VIPR1: variants seen among roughly 807,000 people sequenced by gnomAD.
VIPR1 encodes vasoactive intestinal peptide receptor 1.
Under a neutral mutation model 58.8 loss-of-function variants are expected in VIPR1, and 59 were observed. That is an observed-to-expected ratio of 1.00 (90% CI 0.81 to 1.25). VIPR1 has a LOEUF of 1.25. Among genes scored for constraint, VIPR1 ranks in the 50% most tolerant of loss-of-function variants. The pLI is 0.00. For missense variants in VIPR1, 626 were observed against 602.7 expected (o/e 1.04, Z -0.40); for synonymous variants, 251 against 242.1 (o/e 1.04, Z -0.34).
At chr3:42,526,640 G>A (rs576423948) in intron 4 of VIPR1, among the ~76,000 whole-genome samples, 30 of 152,242 alleles carry the variant, frequency 2.0e-4, no homozygotes, top group Middle Eastern at 3.4e-3. Context: ...CACCCCCGAG[G>A]ACAGCAATTT....
chr3:42,531,820 A>T lies in VIPR1; in HGVS notation c.869A>T (p.Asn290Ile). 1 of 1,613,142 alleles carries T rather than the reference A, an allele frequency of 6.2e-7. No individual in the cohort carries two copies. The highest frequency in any genetic ancestry group is 1.1e-5 in the South Asian group (1 of 91,028). Reference sequence around the variant, plus strand: ...CTGCTCAGGTGCTGGGACACCATCAACTCCTCACTGTGGTGGATCATAAAG... The same window carrying T: ...CTGCTCAGGTGCTGGGACACCATCATCTCCTCACTGTGGTGGATCATAAAG... ...FEDYGCWDTI[N>I]SSLWWIIKGP... is the part of the protein sequence containing the mutation. The change falls in exon 9 of 13, where the codon AAC (asparagine) becomes ATC (isoleucine). Residue 290 changes from asparagine (N) to isoleucine (I), a missense_variant. Asn to Ile is a moderately radical substitution (Grantham distance 149). Coordinates refer to ENST00000325123, the MANE Select transcript of VIPR1 (RefSeq NM_004624.4).
At chr3:42,501,994 C>T (rs1699885341), upstream of VIPR1, 1 of 152,360 alleles carries the variant, frequency 6.6e-6, no homozygotes, top group South Asian at 2.1e-4. The surrounding 1 kb of genome is among the most constrained non-coding windows in gnomAD (Gnocchi z 4.8). Flanking sequence ...CACCAGGTCA[C>T]CCGGGAGCAG....
intron 1 of VIPR1, among the ~76,000 whole-genome samples, chr3:42,490,127 G>C (rs917567120): frequency 6.6e-6 from 1 of 152,122 alleles, no homozygotes; most frequent in Non-Finnish European, 1.5e-5. Context: ...CAGGAGTTCA[G>C]CTTCCTCCTT....
rs199528344 is a variant in VIPR1, at chr3:42,531,817, T to A, written c.866T>A (p.Ile289Asn). The A allele has an allele frequency of 8.7e-6, 14 of 1,613,986 alleles. No homozygotes were observed. Among genetic ancestry groups the A allele is most frequent in the Non-Finnish European group, 1.2e-5 (14 of 1,180,018 alleles). ...GGTCTGCTCAGGTGCTGGGACACCA[T>A]CAACTCCTCACTGTGGTGGATCATA... ...HFEDYGCWDT[I>N]NSSLWWIIKG... Residue 289 changes from isoleucine (I) to asparagine (N), a missense_variant, in exon 9 of 13, where the codon ATC becomes AAC. Coordinates refer to ENST00000325123, the MANE Select transcript of VIPR1 (RefSeq NM_004624.4).
intron 6 of VIPR1, chr3:42,530,539 G>T (rs1701482415): frequency 4.0e-6 from 2 of 497,750 alleles, no homozygotes; most frequent in Non-Finnish European, 7.2e-6. Flanking sequence ...AGATGGGAAG[G>T]TGAATAGATG....
intron 8 of VIPR1, 121 bp from the exon 9 acceptor site, chr3:42,531,682 A>C (rs1427061963): frequency 3.2e-6 from 5 of 1,544,614 alleles, no homozygotes; most frequent in Non-Finnish European, 4.5e-6. Flanking sequence ...GGAGCAACAG[A>C]CTCTGGGCCC....
intron 11 of VIPR1, 69 bp from the exon 12 acceptor site, chr3:42,535,274 C>A: frequency 6.2e-7 from 1 of 1,601,616 alleles, no homozygotes; most frequent in Non-Finnish European, 8.6e-7. Context: ...GGGGCTGGAG[C>A]CAGGGGTGGG....
intron 1 of VIPR1, among the ~76,000 whole-genome samples, chr3:42,504,781 G>A (rs1195737815): frequency 6.6e-6 from 1 of 151,392 alleles, no homozygotes; most frequent in Non-Finnish European, 1.5e-5. Flanking sequence ...CGGGGTGACA[G>A]GAGTTATCAG....
At chr3:42,512,946 C>T (rs187542239) in intron 1 of VIPR1, 6 of 985,524 alleles carry the variant, frequency 6.1e-6, no homozygotes. Flanking sequence ...ATGTCTTCCA[C>T]AAGGTCAGTG....
chr3:42,510,169 A>T (rs188788536), intron 1 of VIPR1, among the ~76,000 whole-genome samples: 1 of 152,196 alleles, frequency 6.6e-6, no homozygotes. Context: ...CCTTGCATGT[A>T]TTAGGCATTT....
At chr3:42,494,987 T>C (rs1358946827) in intron 1 of VIPR1, among the ~76,000 whole-genome samples, 1 of 152,226 alleles carries the variant, frequency 6.6e-6, no homozygotes, top group African/African-American at 2.4e-5. Context: ...TCTGGTGTTT[T>C]AAAATTTATT....
chr3:42,531,847 GC>G lies in VIPR1; in HGVS notation c.900del (p.Ile301SerfsTer7), dbSNP rs747297521. 6.2e-7 allele frequency: 1 copy of G among 1,614,106 alleles called. No individual in the cohort carries two copies. The highest frequency in any genetic ancestry group is 1.1e-5 in the South Asian group (1 of 91,066). On this transcript the variant is annotated frameshift_variant, in exon 9 of 13. Coordinates refer to ENST00000325123, the MANE Select transcript of VIPR1 (RefSeq NM_004624.4). LOFTEE classifies it high-confidence loss of function. ...TCCTCACTGTGGTGGATCATAAAGG[GC>G]CCCATCCTCACCTCCATCTTGGTAA... Reference protein sequence around the residue: ...INSSLWWIIKGPILTSILVNF... With the variant: ...INSSLWWIIKXPILTSILVNF...
At chr3:42,517,263 C>T (rs1159959648) in intron 2 of VIPR1, among the ~76,000 whole-genome samples, 4 of 152,252 alleles carry the variant, frequency 2.6e-5, no homozygotes, top group African/African-American at 9.6e-5. Context: ...ATCCCTCCAC[C>T]TCCTCTTCCC....
At chr3:42,510,588 T>C (rs1700314203) in intron 1 of VIPR1, among the ~76,000 whole-genome samples, 1 of 152,168 alleles carries the variant, frequency 6.6e-6, no homozygotes, top group Admixed American at 6.5e-5. Context: ...GAAGGATTGA[T>C]GCAGTCCAGA....
At chr3:42,531,215 C>G (rs747463386) in intron 7 of VIPR1, 45 of 611,002 alleles carry the variant, frequency 7.4e-5, no homozygotes, top group Admixed American at 3.0e-4. Flanking sequence ...CACTGCTAAT[C>G]TATAAAGGGC....
At chr3:42,525,422 C>T (rs1194237865) in intron 3 of VIPR1, among the ~76,000 whole-genome samples, 8 of 150,108 alleles carry the variant, frequency 5.3e-5, no homozygotes, top group Non-Finnish European at 1.2e-4. Context: ...CACATCTAAG[C>T]CCTTCCAGGT....
intron 1 of VIPR1, among the ~76,000 whole-genome samples, chr3:42,503,110 G>A (rs535912137): frequency 6.6e-6 from 1 of 152,288 alleles, no homozygotes; most frequent in African/African-American, 2.4e-5. Flanking sequence ...GGTTGTGGGT[G>A]CGCAGCGGGG....
intron 1 of VIPR1, among the ~76,000 whole-genome samples, chr3:42,505,468 C>G (rs1700078135): frequency 6.6e-6 from 1 of 152,238 alleles, no homozygotes; most frequent in African/African-American, 2.4e-5. Context: ...TCTAGCCTCT[C>G]CAGAGGCGGA....
intron 10 of VIPR1, chr3:42,533,153 A>G (rs1371848745): frequency 6.6e-6 from 1 of 152,280 alleles, no homozygotes; most frequent in African/African-American, 2.4e-5. Context: ...GAGATTGAGT[A>G]TCAGTGCTAT....
Sources: gnomAD v4.1 joint callset for allele counts (sites outside exome capture counted in the v4.1 genomes callset) on GRCh38, gnomAD v4.1.1 for gene constraint, Gnocchi (gnomAD v3.1) non-coding constraint, MANE v1.5 for transcripts, NCBI Gene and HGNC (gene_info 2026-07-23, HGNC 2026-07-21) for gene names.